Variants in DLGAP2 observed in about 807,000 individuals in gnomAD.
DLGAP2 encodes the protein disks large-associated protein 2.
DLGAP2 carries 26 observed loss-of-function variants against 100.3 expected under a neutral mutation model. The observed-to-expected ratio is 0.26, with a 90% CI of 0.19 to 0.36. DLGAP2 has a LOEUF of 0.36. DLGAP2 is among the 10% of genes least tolerant of loss of function. DLGAP2 has a pLI of 1.00. For missense variants in DLGAP2, 1,858 were observed against 1,453.2 expected (o/e 1.28, Z -4.53); for synonymous variants, 886 against 630.1 (o/e 1.41, Z -6.08).
intron 1 of DLGAP2, among the ~76,000 whole-genome samples, chr8:803,126 C>T (rs1477820120): frequency 6.6e-6 from 1 of 152,104 alleles, no homozygotes; most frequent in Non-Finnish European, 1.5e-5. Context: ...CGGCTCCTGG[C>T]TTTATGGCTG....
intron 2 of DLGAP2, among the ~76,000 whole-genome samples, chr8:998,050 T>A (rs1800835258): frequency 1.3e-5 from 2 of 151,672 alleles, no homozygotes; most frequent in African/African-American, 4.9e-5. Flanking sequence ...CATACAGTCA[T>A]ACACAGAAAC....
intron 12 of DLGAP2, among the ~76,000 whole-genome samples, chr8:1,689,826 G>A (rs1346315723): frequency 3.3e-5 from 5 of 152,198 alleles, no homozygotes; most frequent in Non-Finnish European, 7.3e-5. Flanking sequence ...GGGCAGCCCT[G>A]GCCCCACGTG....
At chr8:1,330,021 C>G (rs1309754205) in intron 3 of DLGAP2, among the ~76,000 whole-genome samples, 1 of 152,234 alleles carries the variant, frequency 6.6e-6, no homozygotes, top group Non-Finnish European at 1.5e-5. Context: ...AGGGACAGAA[C>G]GGATGTCCAT....
chr8:1,632,518 A>G (rs1262403538), intron 7 of DLGAP2, among the ~76,000 whole-genome samples: 1 of 152,162 alleles, frequency 6.6e-6, no homozygotes, highest in Non-Finnish European at 1.5e-5. Flanking sequence ...GTACTTTGCT[A>G]ATCTTTTAAA....
chr8:1,662,930 A>G (rs1798445999), intron 8 of DLGAP2, among the ~76,000 whole-genome samples: 1 of 125,876 alleles, frequency 7.9e-6, no homozygotes, highest in African/African-American at 3.3e-5. Context: ...GTGTACACGT[A>G]GTGTGGGGTG....
intron 1 of DLGAP2, among the ~76,000 whole-genome samples, chr8:883,646 G>T (rs559548066): frequency 1.3e-5 from 2 of 151,518 alleles, no homozygotes; most frequent in Admixed American, 6.6e-5. Context: ...CGCGGGTGCC[G>T]CGGCGGTTCG....
chr8:1,037,303 C>T (rs1003308478), intron 2 of DLGAP2, among the ~76,000 whole-genome samples: 1 of 152,178 alleles, frequency 6.6e-6, no homozygotes, highest in Non-Finnish European at 1.5e-5. Flanking sequence ...CAGGCTCTGG[C>T]TCAACCTGAA....
chr8:1,480,049 C>A (rs1183427205), intron 3 of DLGAP2, among the ~76,000 whole-genome samples: 1 of 152,172 alleles, frequency 6.6e-6, no homozygotes, highest in Admixed American at 6.5e-5. Flanking sequence ...ATCTCTCTTG[C>A]AGAGAGAGGC....
At chr8:1,416,651 CTG>C (rs1193258770) in intron 3 of DLGAP2, among the ~76,000 whole-genome samples, 2 of 152,106 alleles carry the variant, frequency 1.3e-5, no homozygotes, top group African/African-American at 2.4e-5. Context: ...CATGGAAACT[CTG>C]TTTCTGTGTT....
intron 2 of DLGAP2, among the ~76,000 whole-genome samples, chr8:1,079,175 T>A (rs1057148618): frequency 6.6e-6 from 1 of 152,216 alleles, no homozygotes; most frequent in Non-Finnish European, 1.5e-5. Flanking sequence ...TTTTCAGATG[T>A]TTGTTGCCCT....
intron 3 of DLGAP2, among the ~76,000 whole-genome samples, chr8:1,455,273 C>A (rs953404495): frequency 1.3e-5 from 2 of 152,248 alleles, no homozygotes; most frequent in African/African-American, 4.8e-5. Flanking sequence ...CCATCTCAGG[C>A]ACTGATTCTC....
chr8:1,607,657 C>T (rs1009542550), intron 6 of DLGAP2, among the ~76,000 whole-genome samples: 1 of 151,986 alleles, frequency 6.6e-6, no homozygotes, highest in Non-Finnish European at 1.5e-5. Context: ...GAGTGCCAGA[C>T]AGTGGGCGCA....
intron 1 of DLGAP2, among the ~76,000 whole-genome samples, chr8:801,302 C>T (rs1177412631): frequency 1.3e-5 from 2 of 152,202 alleles, no homozygotes; most frequent in East Asian, 3.8e-4. Flanking sequence ...GTGAGGAGAT[C>T]ATCTGAGGAG....
At chr8:1,267,258 T>G (rs1295316958) in intron 3 of DLGAP2, among the ~76,000 whole-genome samples, 1 of 140,434 alleles carries the variant, frequency 7.1e-6, no homozygotes, top group African/African-American at 2.8e-5. Context: ...TAAAATAAAA[T>G]AAAATAAAAT....
intron 3 of DLGAP2, among the ~76,000 whole-genome samples, chr8:1,288,043 TG>T (rs1799980404): frequency 6.9e-6 from 1 of 144,560 alleles, no homozygotes; most frequent in Admixed American, 6.9e-5. Flanking sequence ...AGTGTGTGTG[TG>T]TGTGTGTATG....
Position 1,483,277 on chromosome 8 carries a change from G to A in DLGAP2, c.107-18089G>A, listed in dbSNP as rs566024738. On this transcript the variant is annotated intron_variant, in intron 3 of 14. Transcript: ENST00000637795. ...TGACCCAGCCCAGGCTTTAAAATGCGTCCCTCTAGACTCTGCCCCACGCGT... is the reference window on the plus strand; with the variant it reads ...TGACCCAGCCCAGGCTTTAAAATGCATCCCTCTAGACTCTGCCCCACGCGT... Among the ~76,000 whole-genome samples the A allele has an allele frequency of 3.9e-5, 6 of 152,284 alleles. No individual in the cohort carries two copies. The South Asian group carries it at 8.3e-4, about 21-fold the overall frequency.
intron 2 of DLGAP2, among the ~76,000 whole-genome samples, chr8:1,177,466 G>T (rs1011481663): frequency 2.0e-5 from 3 of 152,070 alleles, no homozygotes; most frequent in Non-Finnish European, 4.4e-5. Flanking sequence ...GCAGATGCAC[G>T]AGACCCGATT....
At chr8:1,540,968 C>T (rs1464886992) in intron 4 of DLGAP2, among the ~76,000 whole-genome samples, 5 of 152,204 alleles carry the variant, frequency 3.3e-5, no homozygotes, top group South Asian at 2.1e-4. Context: ...ATCGTTTCCA[C>T]AGAATTCGGC....
At chr8:1,491,040 AAAAAT>A (rs1450969864) in intron 3 of DLGAP2, among the ~76,000 whole-genome samples, 28 of 111,344 alleles carry the variant, frequency 2.5e-4, no homozygotes, top group Admixed American at 3.1e-4. Flanking sequence ...TAAAATTTAA[AAAAAT>A]AAAATAAAAT....
Sources: allele counts gnomAD v4.1 joint callset (sites outside exome capture counted in the v4.1 genomes callset), GRCh38; gene constraint gnomAD v4.1.1; transcripts MANE v1.5; gene names NCBI Gene and HGNC (gene_info 2026-07-23, HGNC 2026-07-21).